The following SPAG16 variants were observed in gnomAD, a reference collection of about 807,000 sequenced individuals.
The protein encoded by SPAG16 is sperm associated antigen 16, also known as sperm-associated antigen 16 protein.
A neutral mutation model predicts 80.4 loss-of-function variants in SPAG16; 86 were observed. That is an observed-to-expected ratio of 1.07 (90% confidence interval 0.90 to 1.28). The LOEUF is 1.28. Ranked by LOEUF, SPAG16 falls within the 50% of genes most tolerant of loss-of-function variation. SPAG16 has a pLI of 0.00. For missense variants in SPAG16, 870 were observed against 765.3 expected (o/e 1.14, Z -1.61); for synonymous variants, 294 against 265.9 (o/e 1.11, Z -1.03).
chr2:213,907,181 A>C (rs2077466127), intron 11 of SPAG16, among the ~76,000 whole-genome samples: 1 of 152,182 alleles, frequency 6.6e-6, no homozygotes, highest in Non-Finnish European at 1.5e-5. Context: ...AACGGCAATG[A>C]CAAAACCTAC....
At chr2:213,729,901 T>A (rs2066949158) in intron 10 of SPAG16, among the ~76,000 whole-genome samples, 1 of 152,200 alleles carries the variant, frequency 6.6e-6, no homozygotes, top group Non-Finnish European at 1.5e-5. Flanking sequence ...CTATATTTAA[T>A]GTCTAGATGA....
chr2:213,391,932 T>G (rs920801144), intron 9 of SPAG16, among the ~76,000 whole-genome samples: 1 of 152,232 alleles, frequency 6.6e-6, no homozygotes, highest in African/African-American at 2.4e-5. Flanking sequence ...GTTCCAATGT[T>G]TGCATGTCCC....
chr2:214,280,862 C>A, intron 15 of SPAG16: 1 of 432,096 alleles, frequency 2.3e-6, no homozygotes. Flanking sequence ...AGGATTGTTT[C>A]TTGTAAGCAT....
At chr2:213,678,913 C>A (rs369149383) in intron 10 of SPAG16, among the ~76,000 whole-genome samples, 5 of 152,248 alleles carry the variant, frequency 3.3e-5, no homozygotes, top group East Asian at 3.9e-4. Flanking sequence ...GTTGTGGTTC[C>A]TTTACCTATA....
At chr2:213,896,979 G>A (rs1575488354) in intron 11 of SPAG16, among the ~76,000 whole-genome samples, 1 of 152,038 alleles carries the variant, frequency 6.6e-6, no homozygotes, top group Admixed American at 6.6e-5. Context: ...TAGTTTGATA[G>A]AAGTAATAAG....
At chr2:214,336,502 A>C (rs1240495116) in intron 15 of SPAG16, among the ~76,000 whole-genome samples, 1 of 152,198 alleles carries the variant, frequency 6.6e-6, no homozygotes, top group Non-Finnish European at 1.5e-5. Flanking sequence ...GTTGAAGAAC[A>C]CAAATGAAAC....
chr2:214,316,655 A>G, intron 15 of SPAG16, among the ~76,000 whole-genome samples: 1 of 152,220 alleles, frequency 6.6e-6, no homozygotes, highest in East Asian at 1.9e-4. Flanking sequence ...ATTAAATTCT[A>G]TAACTCTAAT....
chr2:214,006,375 TTA>T (rs1231184850), intron 12 of SPAG16, among the ~76,000 whole-genome samples: 1 of 152,210 alleles, frequency 6.6e-6, no homozygotes, highest in Non-Finnish European at 1.5e-5. Flanking sequence ...GAGATGCATT[TTA>T]AATAAAGATG....
intron 10 of SPAG16, among the ~76,000 whole-genome samples, chr2:213,654,751 G>T (rs1228480640): frequency 6.6e-6 from 1 of 150,994 alleles, no homozygotes; most frequent in Admixed American, 6.6e-5. Flanking sequence ...TCAATGTAAA[G>T]GAAAAAGAGG....
chr2:213,403,617 A>T (rs2068449110), intron 9 of SPAG16, among the ~76,000 whole-genome samples: 1 of 152,140 alleles, frequency 6.6e-6, no homozygotes, highest in African/African-American at 2.4e-5. Flanking sequence ...ATGGGCAAAA[A>T]CTGGAAGCAT....
intron 15 of SPAG16, among the ~76,000 whole-genome samples, chr2:214,314,377 C>T (rs1160738255): frequency 1.3e-5 from 2 of 152,136 alleles, no homozygotes; most frequent in African/African-American, 4.8e-5. Context: ...CTTTGGGAAA[C>T]CCCAAGTTTA....
intron 15 of SPAG16, among the ~76,000 whole-genome samples, chr2:214,322,414 AAATT>A (rs992293004): frequency 1.1e-4 from 17 of 152,126 alleles, no homozygotes; most frequent in African/African-American, 4.1e-4. Flanking sequence ...GTTGTTAAAT[AAATT>A]GATTGTTTTT....
At chr2:213,867,680 T>C (rs2075745951) in intron 11 of SPAG16, among the ~76,000 whole-genome samples, 1 of 151,982 alleles carries the variant, frequency 6.6e-6, no homozygotes, top group African/African-American at 2.4e-5. Flanking sequence ...CCCAGCACTT[T>C]GGGAGGCCGA....
chr2:213,494,234 T>C (rs1268246985), intron 10 of SPAG16, among the ~76,000 whole-genome samples: 2 of 152,196 alleles, frequency 1.3e-5, no homozygotes, highest in African/African-American at 4.8e-5. Flanking sequence ...GGTGGCCTCT[T>C]CCATTCTCTG....
intron 11 of SPAG16, among the ~76,000 whole-genome samples, chr2:213,884,502 C>T (rs374487133): frequency 4.6e-5 from 7 of 152,024 alleles, no homozygotes; most frequent in East Asian, 1.9e-4. Context: ...GTAGTATCTA[C>T]GCTGTTCTCC....
chr2:214,111,170 G>A (rs189472985), intron 14 of SPAG16, among the ~76,000 whole-genome samples: 75 of 152,178 alleles, frequency 4.9e-4, no homozygotes, highest in Non-Finnish European at 8.1e-4. Context: ...TTTTGTTGCC[G>A]TTGCTTTTAG....
intron 11 of SPAG16, among the ~76,000 whole-genome samples, chr2:213,915,714 T>G (rs1202598076): frequency 1.3e-5 from 2 of 152,186 alleles, no homozygotes; most frequent in African/African-American, 4.8e-5. Flanking sequence ...TCACAATGGT[T>G]GAACTAATTT....
chr2:213,611,033 C>A (rs1226738248), intron 10 of SPAG16, among the ~76,000 whole-genome samples: 1 of 152,052 alleles, frequency 6.6e-6, no homozygotes, highest in African/African-American at 2.4e-5. Context: ...CCAGCAAGTC[C>A]CAGCCTCATT....
intron 11 of SPAG16, among the ~76,000 whole-genome samples, chr2:213,924,172 A>G (rs2078355763): frequency 6.6e-6 from 1 of 152,174 alleles, no homozygotes; most frequent in Non-Finnish European, 1.5e-5. Context: ...GCCTTTATTC[A>G]GGTGATGGCA....
Sources: gnomAD v4.1 joint callset for allele counts (sites outside exome capture counted in the v4.1 genomes callset) on GRCh38, gnomAD v4.1.1 for gene constraint, MANE v1.5 for transcripts, NCBI Gene and HGNC (gene_info 2026-07-23, HGNC 2026-07-21) for gene names.